The following SLC12A7 variants were observed in gnomAD, a reference collection of about 807,000 sequenced individuals.
SLC12A7 encodes solute carrier family 12 member 7, also known as K-Cl cotransporter 4.
In SLC12A7, 100 loss-of-function variants were observed where a neutral mutation model predicts 120.6. That is an observed-to-expected ratio of 0.83 (90% confidence interval 0.71 to 0.98). SLC12A7 has a LOEUF of 0.98. Among genes scored for constraint, SLC12A7 ranks in the 50% least tolerant of loss-of-function variants. The pLI is 0.00. For synonymous variants in SLC12A7, 760 were observed against 678.0 expected (o/e 1.12, Z -1.88); for missense variants, 1,373 against 1,548.1 (o/e 0.89, Z 1.90).
chr5:1,152,652 G>GAGACCCCCAAGCTAGAGAAGA, the SLC12A7 span, among the ~76,000 whole-genome samples: 5 of 151,688 alleles, frequency 3.3e-5, no homozygotes, highest in African/African-American at 1.2e-4. Context: ...GCTAGAGAAG[G>GAGACCCCCAAGCTAGAGAAGA]GCGACTCCCT....
intron 13 of SLC12A7, 111 bp from the exon 14 acceptor site, chr5:1,076,347 T>TC (rs1187518377): frequency 1.3e-6 from 1 of 773,606 alleles, no homozygotes; most frequent in Non-Finnish European, 2.0e-6. Context: ...GCGCCTTGTC[T>TC]CCCCATGTCT....
Position 1,065,290 on chromosome 5 carries a change from G to A in SLC12A7, c.2430C>T (p.Asn810=), listed in dbSNP as rs767704085. The stretch of plus-strand genomic sequence containing the variant: ...GCCGCCAGCCATGCCTACCCACAAA[G>A]TTCTTCCAGGAGAAGGGGTTGTCCT... ...KQEDNPFSWK[N]FVDTVRDTTA... is the part of the protein sequence containing the mutation. The change falls in exon 18 of 24, where the codon AAC becomes AAT. Residue 810 remains asparagine (N), a synonymous_variant. Transcript: ENST00000264930. The A allele has an allele frequency of 1.3e-6, 2 of 1,563,730 alleles. No homozygotes were observed. Among genetic ancestry groups the A allele is most frequent in the South Asian group, 1.2e-5 (1 of 84,912 alleles).
the SLC12A7 span, among the ~76,000 whole-genome samples, chr5:1,141,738 G>C: frequency 1.3e-5 from 2 of 152,056 alleles, no homozygotes; most frequent in Non-Finnish European, 2.9e-5. Flanking sequence ...GGTGGCTGCT[G>C]CATAGGACAG....
chr5:1,136,344 GCA>G, the SLC12A7 span, among the ~76,000 whole-genome samples: 49 of 149,664 alleles, frequency 3.3e-4, 2 homozygotes, highest in African/African-American at 1.1e-3. Flanking sequence ...GGACACGCAG[GCA>G]CACACGTGCT....
chr5:1,112,947 G>A (rs142977716), upstream of SLC12A7, among the ~76,000 whole-genome samples: 400 of 141,050 alleles, frequency 2.8e-3, 2 homozygotes, highest in African/African-American at 9.6e-3. Context: ...AGTGCCCCGC[G>A]GCCCCTGCCC....
chr5:1,068,344 G>GAA (rs1228156273), intron 17 of SLC12A7, among the ~76,000 whole-genome samples: 3 of 152,226 alleles, frequency 2.0e-5, no homozygotes, highest in Admixed American at 6.5e-5. Context: ...TGAGGCAGGA[G>GAA]AACTGCTTCA....
the SLC12A7 span, among the ~76,000 whole-genome samples, chr5:1,155,447 C>G: frequency 6.6e-6 from 1 of 152,168 alleles, no homozygotes; most frequent in East Asian, 1.9e-4. Context: ...GCCCCTGCCC[C>G]GGCTCGGTGT....
At chr5:1,061,088 A>G (rs1489914566) in intron 20 of SLC12A7, among the ~76,000 whole-genome samples, 72 of 62,098 alleles carry the variant, frequency 1.2e-3, no homozygotes, top group Admixed American at 3.4e-3. Context: ...CGCATCCGCC[A>G]TGCGGAACCC....
At chr5:1,052,625 A>AGGGGAGAGAGG (rs1239714285) in intron 23 of SLC12A7, among the ~76,000 whole-genome samples, 174 bp from the exon 24 acceptor site, 1 of 65,864 alleles carries the variant, frequency 1.5e-5, no homozygotes, top group African/African-American at 3.2e-5. Context: ...GGGGAGGAGC[A>AGGGGAGAGAGG]GGGCAGGGGA....
chr5:1,111,399 A>C (rs1162457836), intron 1 of SLC12A7, among the ~76,000 whole-genome samples: 2 of 151,700 alleles, frequency 1.3e-5, no homozygotes, highest in Non-Finnish European at 2.9e-5. Flanking sequence ...CGGCTCCTCC[A>C]GGGTCAGGCG....
upstream of SLC12A7, among the ~76,000 whole-genome samples, chr5:1,112,364 CT>C (rs1313991049): frequency 1.9e-5 from 2 of 106,916 alleles, no homozygotes; most frequent in Admixed American, 1.7e-4. Flanking sequence ...CCCTCCCCGC[CT>C]CCCCTCTTGT....
intron 13 of SLC12A7, 92 bp from the exon 14 acceptor site, chr5:1,076,328 C>T: frequency 9.9e-7 from 1 of 1,007,900 alleles, no homozygotes; most frequent in Non-Finnish European, 1.5e-6. Flanking sequence ...GTCACTGTCC[C>T]TCCCACCTGC....
chr5:1,052,255 G>C lies in SLC12A7; in HGVS notation c.*105C>G, dbSNP rs769401201. 2 of 968,594 alleles carry C rather than the reference G, an allele frequency of 2.1e-6. No individual in the cohort carries two copies. Among genetic ancestry groups the C allele is most frequent in the South Asian group, 1.3e-5 (1 of 76,110 alleles). 60.0% of individuals were successfully genotyped at this position (968,594 alleles called of 1,614,324 possible). ...CATGGGCAGCTTGGGCGGCATCACT[G>C]GGGGACAGGTGTGTCTGCCGTCTGT... is the stretch of plus-strand genomic sequence containing the variant. On this transcript the variant is annotated 3_prime_UTR_variant, in exon 24 of 24. Coordinates refer to ENST00000264930, the MANE Select transcript of SLC12A7 (RefSeq NM_006598.3).
intron 1 of SLC12A7, among the ~76,000 whole-genome samples, chr5:1,109,131 C>T (rs1300855094): frequency 1.3e-5 from 2 of 152,164 alleles, no homozygotes; most frequent in African/African-American, 4.8e-5. Flanking sequence ...AGTGGGTGGC[C>T]AGGGCCTGTG....
At chr5:1,099,362 G>A (rs911615897) in intron 1 of SLC12A7, among the ~76,000 whole-genome samples, 11 of 151,824 alleles carry the variant, frequency 7.2e-5, no homozygotes, top group Admixed American at 7.2e-4. Context: ...ACCCAGCCCC[G>A]ACCCAGTCCA....
Position 1,077,874 on chromosome 5 carries a change from G to A in SLC12A7, c.1588C>T (p.Leu530=). ...ATGCCGTCACGGGCAATGGCCTGCA[G>A]TAGGCGCGGTGCCCCCGTGAGGCTC... The part of the protein sequence containing the change: ...LQSLTGAPRL[L]QAIARDGIVP... Residue 530 remains leucine, a synonymous_variant, in exon 12 of 24, where the codon CTG becomes TTG. Coordinates refer to ENST00000264930, the MANE Select transcript of SLC12A7 (RefSeq NM_006598.3). The A allele has an allele frequency of 6.3e-7, 1 of 1,597,524 alleles. No homozygotes were observed. Among genetic ancestry groups the A allele is most frequent in the Non-Finnish European group, 8.5e-7 (1 of 1,172,838 alleles).
intron 20 of SLC12A7, among the ~76,000 whole-genome samples, chr5:1,062,439 C>A (rs1444345553): frequency 6.6e-6 from 1 of 152,208 alleles, no homozygotes; most frequent in East Asian, 1.9e-4. Flanking sequence ...GAAACTAAGC[C>A]CAGTGTACAA....
chr5:1,107,965 T>C (rs2150910354), intron 1 of SLC12A7, among the ~76,000 whole-genome samples: 1 of 152,066 alleles, frequency 6.6e-6, no homozygotes, highest in East Asian at 1.9e-4. Context: ...CAACACCGCG[T>C]GACCCTCTGC....
chr5:1,128,754 C>T, the SLC12A7 span, among the ~76,000 whole-genome samples: 205 of 152,316 alleles, frequency 1.3e-3, no homozygotes, highest in Admixed American at 3.9e-3. Flanking sequence ...TGTGTGCATG[C>T]GTGCACACCA....
Sources: gnomAD v4.1 joint callset for allele counts (sites outside exome capture counted in the v4.1 genomes callset) on GRCh38, gnomAD v4.1.1 for gene constraint, MANE v1.5 for transcripts, NCBI Gene and HGNC (gene_info 2026-07-23, HGNC 2026-07-21) for gene names.